The following ATP8B4 variants were observed in gnomAD, a reference collection of about 807,000 sequenced individuals.
ATP8B4 encodes the protein probable phospholipid-transporting ATPase IM.
Under a neutral mutation model 145.6 loss-of-function variants are expected in ATP8B4, and 133 were observed. The ratio of observed to expected loss-of-function variants is 0.91; its 90% CI spans 0.79 to 1.05. The LOEUF is 1.05. Ranked by LOEUF, ATP8B4 falls within the 50% of genes least tolerant of loss-of-function variation. The pLI is 0.00. For missense variants in ATP8B4, 1,458 were observed against 1,425.2 expected (o/e 1.02, Z -0.37); for synonymous variants, 507 against 492.9 (o/e 1.03, Z -0.38).
chr15:49,960,505 A>T (rs2043972114), intron 14 of ATP8B4, among the ~76,000 whole-genome samples: 1 of 152,208 alleles, frequency 6.6e-6, no homozygotes, highest in Non-Finnish European at 1.5e-5. Flanking sequence ...TCTAGAGAAA[A>T]ATATATTTGG....
chr15:49,892,824 A>T (rs535299304), intron 23 of ATP8B4, among the ~76,000 whole-genome samples: 1 of 152,350 alleles, frequency 6.6e-6, no homozygotes, highest in South Asian at 2.1e-4. Flanking sequence ...CCATAAAGCT[A>T]GGGCAACAAA....
At chr15:49,891,526 A>G (rs570749817) in intron 23 of ATP8B4, among the ~76,000 whole-genome samples, 3 of 152,238 alleles carry the variant, frequency 2.0e-5, no homozygotes, top group South Asian at 4.2e-4. Context: ...AAGTTTTACT[A>G]CGTTGGCCAG....
At chr15:49,951,020 TA>T (rs1286700930) in intron 14 of ATP8B4, among the ~76,000 whole-genome samples, 3 of 152,208 alleles carry the variant, frequency 2.0e-5, no homozygotes, top group African/African-American at 7.2e-5. Flanking sequence ...GTGAGTTTCT[TA>T]ATCCTGAGTT....
intron 24 of ATP8B4, chr15:49,876,803 G>C: frequency 3.7e-6 from 2 of 541,118 alleles, no homozygotes; most frequent in African/African-American, 1.9e-5. Context: ...TTTGAGCCTA[G>C]CTATTTGGCT....
chr15:49,860,543 T>G, intron 27 of ATP8B4, 68 bp from the exon 28 acceptor site: 3 of 1,478,478 alleles, frequency 2.0e-6, no homozygotes, highest in South Asian at 2.9e-5. Context: ...TGGCCCACTT[T>G]GTAAAGTGAA....
At chr15:49,950,506 T>C (rs573803269) in intron 14 of ATP8B4, among the ~76,000 whole-genome samples, 10 of 151,520 alleles carry the variant, frequency 6.6e-5, no homozygotes, top group Middle Eastern at 3.4e-3. Context: ...AGTGGTGATA[T>C]TCCCTTTATC....
At chr15:49,935,481 T>C (rs2041657344) in intron 14 of ATP8B4, among the ~76,000 whole-genome samples, 1 of 152,174 alleles carries the variant, frequency 6.6e-6, no homozygotes, top group South Asian at 2.1e-4. Context: ...ACGGCTGCCA[T>C]ATATCAAGTG....
At chr15:50,122,389 T>C (rs1406070307), upstream of ATP8B4, among the ~76,000 whole-genome samples, 1 of 152,156 alleles carries the variant, frequency 6.6e-6, no homozygotes, top group African/African-American at 2.4e-5. Flanking sequence ...GCAATTTAAG[T>C]CTCTGACATT....
intron 6 of ATP8B4, among the ~76,000 whole-genome samples, chr15:50,030,182 G>C (rs1278326515): frequency 6.6e-6 from 1 of 151,704 alleles, no homozygotes; most frequent in Non-Finnish European, 1.5e-5. Flanking sequence ...GTTGAGGTTT[G>C]AGTTTTTTTT....
At chr15:49,969,902 C>T (rs913381161) in intron 13 of ATP8B4, among the ~76,000 whole-genome samples, 3 of 152,220 alleles carry the variant, frequency 2.0e-5, no homozygotes, top group Non-Finnish European at 4.4e-5. Flanking sequence ...AATCCAGCAG[C>T]ACTTCAAAAA....
In ATP8B4 at chr15:49,862,245, C is replaced by T; in HGVS notation, c.3297G>A (p.Gln1099=). ...KVDLYPTLSD[Q]IRRWQKAQKK... Reference sequence around the variant, plus strand: ...AGTATTCATCAGCACTGTGACATACCTGATCACTCAGGGTTGGGTATAAAT... The same window carrying T: ...AGTATTCATCAGCACTGTGACATACTTGATCACTCAGGGTTGGGTATAAAT... The change falls in exon 27 of 28, where the codon CAG becomes CAA. Residue 1099 remains glutamine, a splice_region_variant and synonymous_variant. Coordinates refer to ENST00000284509, the MANE Select transcript of ATP8B4 (RefSeq NM_024837.4). The T allele has an allele frequency of 6.2e-7, 1 of 1,613,122 alleles. No homozygotes were observed. Among genetic ancestry groups the T allele is most frequent in the Non-Finnish European group, 8.5e-7 (1 of 1,179,338 alleles).
chr15:50,175,042 G>A (rs2044741474), intron 1 of ATP8B4, among the ~76,000 whole-genome samples: 1 of 152,126 alleles, frequency 6.6e-6, no homozygotes, highest in South Asian at 2.1e-4. Context: ...CATAAAGTGG[G>A]GAAAGGATAC....
At chr15:49,994,628 G>A (rs1937460805) in intron 9 of ATP8B4, among the ~76,000 whole-genome samples, 1 of 151,936 alleles carries the variant, frequency 6.6e-6, no homozygotes, top group Non-Finnish European at 1.5e-5. Flanking sequence ...GCTATAAGAA[G>A]AAGAAAAAGC....
At chr15:49,988,546 T>G (rs925939132) in intron 9 of ATP8B4, among the ~76,000 whole-genome samples, 1 of 152,140 alleles carries the variant, frequency 6.6e-6, no homozygotes, top group Non-Finnish European at 1.5e-5. Context: ...GTGAGATTAG[T>G]ACCTACAAAG....
intron 17 of ATP8B4, among the ~76,000 whole-genome samples, chr15:49,921,323 G>A (rs539374163): frequency 6.6e-6 from 1 of 152,312 alleles, no homozygotes; most frequent in South Asian, 2.1e-4. Flanking sequence ...TATATTCTAT[G>A]AAGTTAGTAC....
intron 20 of ATP8B4, among the ~76,000 whole-genome samples, chr15:49,912,776 A>G (rs982044513): frequency 3.3e-5 from 5 of 152,122 alleles, no homozygotes; most frequent in African/African-American, 1.2e-4. Flanking sequence ...TCTGAACAAA[A>G]AAGTAACAAA....
At chr15:50,129,337 G>C (rs2057329085) in intron 1 of ATP8B4, among the ~76,000 whole-genome samples, 1 of 152,176 alleles carries the variant, frequency 6.6e-6, no homozygotes, top group Non-Finnish European at 1.5e-5. Flanking sequence ...CCAAAATCAA[G>C]GTGTTGGCAA....
At chr15:50,164,931 C>T (rs865878130) in intron 1 of ATP8B4, among the ~76,000 whole-genome samples, 21 of 152,344 alleles carry the variant, frequency 1.4e-4, no homozygotes, top group South Asian at 8.3e-4. Context: ...TCCTCCCAAG[C>T]ACATAGACTC....
intron 23 of ATP8B4, among the ~76,000 whole-genome samples, chr15:49,891,046 A>G (rs2036734031): frequency 6.6e-6 from 1 of 152,118 alleles, no homozygotes; most frequent in South Asian, 2.1e-4. Flanking sequence ...AAATTACAAG[A>G]TTTTAGCTAA....
Sources: allele counts gnomAD v4.1 joint callset (sites outside exome capture counted in the v4.1 genomes callset), GRCh38; gene constraint gnomAD v4.1.1; transcripts MANE v1.5; gene names NCBI Gene and HGNC (gene_info 2026-07-23, HGNC 2026-07-21).